The following ABCA1 variants were observed in gnomAD, a reference collection of about 807,000 sequenced individuals.
ABCA1 encodes the protein ATP binding cassette subfamily A member 1, also known as phospholipid-transporting ATPase ABCA1.
ABCA1 carries 133 observed loss-of-function variants against 262.5 expected under a neutral mutation model. The ratio of observed to expected loss-of-function variants is 0.51; its 90% CI spans 0.44 to 0.59. ABCA1 has a LOEUF of 0.59. ABCA1 is among the 20% of genes least tolerant of loss of function. The pLI is 0.00. For missense variants in ABCA1, 2,452 were observed against 2,777.5 expected (o/e 0.88, Z 2.63); for synonymous variants, 1,022 against 1,043.5 (o/e 0.98, Z 0.40).
intron 49 of ABCA1, among the ~76,000 whole-genome samples, chr9:104,784,932 C>T (rs1259065381): frequency 4.6e-5 from 7 of 152,160 alleles, no homozygotes; most frequent in Non-Finnish European, 1.0e-4. Context: ...GCATGAGCCA[C>T]CACGCCCGGC....
chr9:104,835,255 A>C (rs1022059438), intron 11 of ABCA1, among the ~76,000 whole-genome samples: 3 of 151,888 alleles, frequency 2.0e-5, no homozygotes, highest in Non-Finnish European at 4.4e-5. Context: ...CCAAAAAAAA[A>C]AAAAAAGAGA....
At position 104,806,418 on chromosome 9, in the gene ABCA1, G is replaced by T; in HGVS notation, c.4287C>A (p.Cys1429Ter). The stretch of plus-strand genomic sequence containing the variant: ...TGGTCCACTCTTCCTCCCCTGCCTG[G>T]CAGGGCGTGTCTCTGCAAAGGGAAG... ...MEGNPIPDTP[C>*]QAGEEEWTTA... Residue 1429 changes from cysteine (C) to a stop codon, truncating the protein, a stop_gained, in exon 31 of 50, where the codon TGC becomes TGA. Transcript: ENST00000374736. LOFTEE classifies it high-confidence loss of function. 6.2e-7 allele frequency: 1 copy of T among 1,614,096 alleles called. No individual in the cohort carries two copies. The highest frequency in any genetic ancestry group is 8.5e-7 in the Non-Finnish European group (1 of 1,180,024).
intron 3 of ABCA1, among the ~76,000 whole-genome samples, chr9:104,888,788 G>A (rs1295847849): frequency 6.6e-6 from 1 of 152,154 alleles, no homozygotes; most frequent in Non-Finnish European, 1.5e-5. Flanking sequence ...TAGGTGTTAA[G>A]GCATTATCTT....
At chr9:104,864,863 G>A (rs1228632690) in intron 5 of ABCA1, among the ~76,000 whole-genome samples, 4 of 152,150 alleles carry the variant, frequency 2.6e-5, no homozygotes, top group African/African-American at 9.7e-5. Context: ...ATGTTAACAG[G>A]CTCTGAAGAT....
intron 14 of ABCA1, 117 bp from the exon 15 acceptor site, chr9:104,829,255 A>T (rs958043573): frequency 4.3e-6 from 4 of 934,434 alleles, no homozygotes; most frequent in Non-Finnish European, 6.7e-6. Context: ...CCACAGAAGG[A>T]CAGGCCCTCT....
At chr9:104,885,207 G>C (rs1839054645) in intron 3 of ABCA1, among the ~76,000 whole-genome samples, 2 of 152,166 alleles carry the variant, frequency 1.3e-5, no homozygotes, top group African/African-American at 2.4e-5. Context: ...TTTCACTCCA[G>C]CCTGGGCGAC....
chr9:104,915,752 T>G (rs1423295747), intron 1 of ABCA1, among the ~76,000 whole-genome samples: 1 of 152,196 alleles, frequency 6.6e-6, no homozygotes. Context: ...GTTTCATTTT[T>G]GGTAGCCTCC....
At chr9:104,841,041 TG>T (rs1419158871) in intron 8 of ABCA1, among the ~76,000 whole-genome samples, 1 of 152,160 alleles carries the variant, frequency 6.6e-6, no homozygotes, top group Non-Finnish European at 1.5e-5. Flanking sequence ...GTGTAGAAAT[TG>T]AACAGCCCTC....
At chr9:104,909,607 TACACACACAC>T (rs59524252) in intron 1 of ABCA1, among the ~76,000 whole-genome samples, 29,436 of 133,974 alleles carry the variant, frequency 0.22, 3,575 homozygotes, top group East Asian at 0.54. Flanking sequence ...GCAAAAGAAA[TACACACACAC>T]ACACACACAC....
chr9:104,808,915 C>T (rs758136221), intron 30 of ABCA1, among the ~76,000 whole-genome samples: 5 of 152,228 alleles, frequency 3.3e-5, no homozygotes, highest in Non-Finnish European at 5.9e-5. Flanking sequence ...CCTTCCCCTA[C>T]ACTCACTTAA....
chr9:104,890,658 C>T (rs1201518989), intron 2 of ABCA1, among the ~76,000 whole-genome samples: 1 of 151,612 alleles, frequency 6.6e-6, no homozygotes, highest in African/African-American at 2.4e-5. Flanking sequence ...CGGTACGATC[C>T]GGAGATCATA....
In ABCA1 at chr9:104,924,534, T is replaced by A. The variant is rs377147214; in HGVS notation, c.-93+3401A>T. 6.0e-5 allele frequency among the ~76,000 whole-genome samples: 9 copies of A among 150,238 alleles called. No individual in the cohort carries two copies. The South Asian group carries it at 1.9e-3, about 31-fold the overall frequency. ...TTGAGGCAGGAGAATCACCTGAACCTGAGAGGCGGAAGTTGCAGTGAGCCA... is the reference window on the plus strand; with the variant it reads ...TTGAGGCAGGAGAATCACCTGAACCAGAGAGGCGGAAGTTGCAGTGAGCCA... On this transcript the variant is annotated intron_variant, in intron 1 of 49. Transcript: ENST00000374736.
chr9:104,813,290 G>A (rs1831441340), intron 27 of ABCA1, among the ~76,000 whole-genome samples: 1 of 152,162 alleles, frequency 6.6e-6, no homozygotes, highest in East Asian at 1.9e-4. Flanking sequence ...AGAAATCCTT[G>A]TCCTAAACTA....
intron 5 of ABCA1, among the ~76,000 whole-genome samples, chr9:104,881,119 A>C (rs1420944827): frequency 3.3e-5 from 5 of 152,212 alleles, no homozygotes; most frequent in Non-Finnish European, 7.3e-5. Flanking sequence ...ACTGCACTCC[A>C]GCCTGGTGAC....
Position 104,785,464 on chromosome 9 carries a change from T to G in ABCA1, c.6577A>C (p.Ile2193Leu), listed in dbSNP as rs748201126. The change falls in exon 49 of 50, where the codon ATC becomes CTC. Residue 2193 changes from isoleucine (I) to leucine (L), a missense_variant. Coordinates refer to ENST00000374736, the MANE Select transcript of ABCA1 (RefSeq NM_005502.4). ...SLSSLARIFS[I>L]LSQSKKRLHI... The stretch of plus-strand genomic sequence containing the variant: ...AGTCGCTTTTTGCTCTGGGAGAGGA[T>G]GCTGAATATCCTGGCCAGAGAAGAT... 2.7e-5 allele frequency: 43 copies of G among 1,613,398 alleles called. No homozygotes were observed. The South Asian group carries it at 4.4e-4, about 16-fold the overall frequency.
At chr9:104,916,951 G>A (rs1841882969) in intron 1 of ABCA1, among the ~76,000 whole-genome samples, 1 of 152,338 alleles carries the variant, frequency 6.6e-6, no homozygotes, top group East Asian at 1.9e-4. Flanking sequence ...ACATCCCAAA[G>A]AGCAGAAGAA....
chr9:104,806,155 A>T, intron 31 of ABCA1, 86 bp downstream of exon 31: 1 of 1,351,104 alleles, frequency 7.4e-7, no homozygotes, highest in Non-Finnish European at 1.0e-6. Flanking sequence ...TCCCAACATG[A>T]TATCTCACTC....
At chr9:104,861,985 T>G (rs1836438323) in intron 5 of ABCA1, among the ~76,000 whole-genome samples, 185 bp from the exon 6 acceptor site, 1 of 152,028 alleles carries the variant, frequency 6.6e-6, no homozygotes, top group South Asian at 2.1e-4. Flanking sequence ...AATATTGCTT[T>G]CTGGTAACAT....
In ABCA1 at chr9:104,818,676, G is replaced by A; in HGVS notation, c.3449C>T (p.Ser1150Leu). 1 of 1,613,090 alleles carries A rather than the reference G, an allele frequency of 6.2e-7. No individual in the cohort carries two copies. The highest frequency in any genetic ancestry group is 8.5e-7 in the Non-Finnish European group (1 of 1,180,022). ...SSCRNSSSTVSYLKKEDSVSQ... is the reference protein window; with the variant it reads ...SSCRNSSSTVLYLKKEDSVSQ... ...ACTGCAGCTCACCTTTTTCAGGTAT[G>A]ACACAGTGCTACTACTGTTTCTGCA... is the stretch of plus-strand genomic sequence containing the variant. Residue 1150 changes from serine (S) to leucine (L), a missense_variant, in exon 23 of 50, where the codon TCA becomes TTA. Transcript: ENST00000374736.
Sources: gnomAD v4.1 joint callset for allele counts (sites outside exome capture counted in the v4.1 genomes callset) on GRCh38, gnomAD v4.1.1 for gene constraint, MANE v1.5 for transcripts, NCBI Gene and HGNC (gene_info 2026-07-23, HGNC 2026-07-21) for gene names.